The following CMTM7 variants were observed in gnomAD, a reference collection of about 807,000 sequenced individuals.
CMTM7 encodes CKLF-like MARVEL transmembrane domain-containing protein 7.
CMTM7 carries 7 observed loss-of-function variants against 19.3 expected under a neutral mutation model. That is an observed-to-expected ratio of 0.36 (90% confidence interval 0.21 to 0.68). The LOEUF is 0.68. Among genes scored for constraint, CMTM7 ranks in the 30% least tolerant of loss-of-function variants. The pLI is 0.60. For missense variants in CMTM7, 193 were observed against 232.6 expected (o/e 0.83, Z 1.11); for synonymous variants, 87 against 99.3 (o/e 0.88, Z 0.74).
chr3:32,435,934 C>T (rs1000264292), intron 1 of CMTM7, among the ~76,000 whole-genome samples: 2 of 152,148 alleles, frequency 1.3e-5, no homozygotes, highest in Non-Finnish European at 2.9e-5. Context: ...ATCACTTCCC[C>T]TCCCCAGAGG....
At chr3:32,437,629 A>G (rs1429676212) in intron 1 of CMTM7, among the ~76,000 whole-genome samples, 1 of 151,936 alleles carries the variant, frequency 6.6e-6, no homozygotes, top group Admixed American at 6.6e-5. Context: ...GCGGTGGCTC[A>G]CGCCTGTACT....
At chr3:32,424,265 A>G (rs988248203) in intron 1 of CMTM7, among the ~76,000 whole-genome samples, 3 of 152,184 alleles carry the variant, frequency 2.0e-5, no homozygotes, top group Admixed American at 2.0e-4. Context: ...ACATGGTGCC[A>G]GGGTTCCTAG....
intron 1 of CMTM7, among the ~76,000 whole-genome samples, chr3:32,399,981 CTA>C (rs1000440866): frequency 6.6e-6 from 1 of 152,154 alleles, no homozygotes; most frequent in African/African-American, 2.4e-5. Flanking sequence ...AAAAGTAAAA[CTA>C]AAGTATTTTA....
At chr3:32,426,693 T>C (rs1346804652) in intron 1 of CMTM7, among the ~76,000 whole-genome samples, 3 of 152,230 alleles carry the variant, frequency 2.0e-5, no homozygotes, top group African/African-American at 7.2e-5. Flanking sequence ...TACTATTTGA[T>C]ATCTACAGGT....
At chr3:32,417,079 G>A (rs1037275491) in intron 1 of CMTM7, among the ~76,000 whole-genome samples, 2 of 152,238 alleles carry the variant, frequency 1.3e-5, no homozygotes, top group African/African-American at 2.4e-5. Flanking sequence ...TGTTCACAGA[G>A]TGTGTACCGT....
chr3:32,442,409 A>C (rs1193052498), intron 2 of CMTM7, among the ~76,000 whole-genome samples: 1 of 147,284 alleles, frequency 6.8e-6, no homozygotes, highest in Non-Finnish European at 1.5e-5. Flanking sequence ...CTGAGGCAGG[A>C]GAATGGCGTG....
intron 1 of CMTM7, among the ~76,000 whole-genome samples, chr3:32,396,032 A>G (rs1004087454): frequency 6.6e-6 from 1 of 152,220 alleles, no homozygotes; most frequent in Non-Finnish European, 1.5e-5. Context: ...AAAAAAAGCC[A>G]ACCACAAAAG....
At chr3:32,403,585 TC>T (rs1307511181) in intron 1 of CMTM7, among the ~76,000 whole-genome samples, 3 of 152,136 alleles carry the variant, frequency 2.0e-5, no homozygotes, top group Admixed American at 6.6e-5. Context: ...CGTATCATTA[TC>T]CCCAACTCAT....
chr3:32,451,738 C>T (rs1696835753), intron 3 of CMTM7: 2 of 224,988 alleles, frequency 8.9e-6, no homozygotes. Context: ...CCCACAGGCA[C>T]TCTTCGTCTC....
At chr3:32,441,757 G>GA in intron 1 of CMTM7, 83 bp from the exon 2 acceptor site, 1 of 1,186,408 alleles carries the variant, frequency 8.4e-7, no homozygotes, top group Non-Finnish European at 1.2e-6. Flanking sequence ...CCTGCTGGGG[G>GA]ATGCTTGGTT....
At position 32,404,151 on chromosome 3, in the gene CMTM7, T is replaced by C. The variant is rs2652583; in HGVS notation, c.159+12086T>C. On this transcript the variant is annotated intron_variant, in intron 1 of 4. Coordinates refer to ENST00000334983, the MANE Select transcript of CMTM7 (RefSeq NM_138410.4). ...AATCTTTTCTTTCTTTCTTTTTTTT[T>C]CTTTTTTTTTCTTTTTTTTTTTTTT... is the stretch of plus-strand genomic sequence containing the variant. 4.5e-3 allele frequency among the ~76,000 whole-genome samples: 274 copies of C among 61,506 alleles called. 22 individuals are homozygous for C. The highest frequency in any genetic ancestry group is 9.4e-3 in the African/African-American group (212 of 22,532). The allele number at this position is 61,506 out of a possible 152,430, so 40.4% of individuals were successfully genotyped here.
chr3:32,402,303 G>T (rs1424930930), intron 1 of CMTM7, among the ~76,000 whole-genome samples: 1 of 152,060 alleles, frequency 6.6e-6, no homozygotes, highest in Non-Finnish European at 1.5e-5. Context: ...GTAGAGACGG[G>T]GTTTCTCCAT....
At chr3:32,435,253 A>C (rs1387007414) in intron 1 of CMTM7, among the ~76,000 whole-genome samples, 1 of 151,974 alleles carries the variant, frequency 6.6e-6, no homozygotes, top group African/African-American at 2.4e-5. Context: ...AATACAAAAA[A>C]ATTAGCCGGG....
chr3:32,437,618 C>T (rs1001005876), intron 1 of CMTM7, among the ~76,000 whole-genome samples: 1 of 151,408 alleles, frequency 6.6e-6, no homozygotes, highest in Non-Finnish European at 1.5e-5. Context: ...ATAGGCCGGG[C>T]GCGGTGGCTC....
intron 1 of CMTM7, among the ~76,000 whole-genome samples, chr3:32,416,669 C>T (rs1056154488): frequency 7.2e-5 from 11 of 152,102 alleles, no homozygotes; most frequent in African/African-American, 2.7e-4. Context: ...GGATTACAGG[C>T]GTGAGCCACC....
chr3:32,430,712 T>TGTGTGTGTGTGTGTGTGTGA (rs1202757253), intron 1 of CMTM7, among the ~76,000 whole-genome samples: 5 of 151,270 alleles, frequency 3.3e-5, no homozygotes, highest in South Asian at 2.1e-4. Flanking sequence ...TGTGTGTGTG[T>TGTGTGTGTGTGTGTGTGTGA]GTGACACAGC....
chr3:32,435,992 G>A (rs992864989), intron 1 of CMTM7, among the ~76,000 whole-genome samples: 2 of 152,186 alleles, frequency 1.3e-5, no homozygotes, highest in African/African-American at 2.4e-5. Flanking sequence ...ATTACCCCCA[G>A]CATGGACAAA....
chr3:32,405,300 C>T (rs661065), intron 1 of CMTM7, among the ~76,000 whole-genome samples: 90,315 of 151,692 alleles, frequency 0.6, 27,386 homozygotes, highest in Non-Finnish European at 0.65. Flanking sequence ...AGATAACTAA[C>T]GCAGTCACAA....
intron 1 of CMTM7, among the ~76,000 whole-genome samples, chr3:32,437,584 G>A (rs1450356686): frequency 3.3e-5 from 5 of 151,950 alleles, no homozygotes; most frequent in East Asian, 1.9e-4. Context: ...GTGACAGAGT[G>A]AGACTCTGTC....
Sources: allele counts gnomAD v4.1 joint callset (sites outside exome capture counted in the v4.1 genomes callset), GRCh38; gene constraint gnomAD v4.1.1; transcripts MANE v1.5; gene names NCBI Gene and HGNC (gene_info 2026-07-23, HGNC 2026-07-21).